The following MYL1 variants were observed in gnomAD, a reference collection of about 807,000 sequenced individuals.
MYL1 encodes the protein myosin light chain 1/3, skeletal muscle isoform.
A neutral mutation model predicts 21.8 loss-of-function variants in MYL1; 16 were observed. That is an observed-to-expected ratio of 0.74 (90% CI 0.50 to 1.12). The LOEUF (loss-of-function observed/expected upper bound fraction) is 1.12, where lower values mean the gene tolerates loss of function less well. MYL1 is among the 50% of genes most tolerant of loss of function. The pLI, the probability that MYL1 is intolerant of heterozygous loss-of-function variation, is 0.00. For missense variants in MYL1, 246 were observed against 241.0 expected (o/e 1.02, Z -0.14); for synonymous variants, 99 against 85.2 (o/e 1.16, Z -0.89).
chr2:210,291,555 G>A (rs1690075915), intron 5 of MYL1, among the ~76,000 whole-genome samples: 1 of 152,142 alleles, frequency 6.6e-6, no homozygotes, highest in Non-Finnish European at 1.5e-5. Flanking sequence ...GCATATACAA[G>A]ACCACATAAA....
chr2:210,292,671 T>C (rs1311980256), intron 5 of MYL1, among the ~76,000 whole-genome samples: 1 of 152,212 alleles, frequency 6.6e-6, no homozygotes, highest in Non-Finnish European at 1.5e-5. Flanking sequence ...GTCTGGTTTT[T>C]GTGTCACTGT....
intron 1 of MYL1, among the ~76,000 whole-genome samples, chr2:210,311,282 A>G (rs1262022469): frequency 6.6e-6 from 1 of 152,046 alleles, no homozygotes; most frequent in East Asian, 1.9e-4. Flanking sequence ...GCCAAAACAA[A>G]TTGGGTGCCA....
At chr2:210,306,336 G>A (rs79224497) in intron 1 of MYL1, among the ~76,000 whole-genome samples, 2,939 of 149,626 alleles carry the variant, frequency 0.02, 100 homozygotes, top group African/African-American at 0.069. Context: ...AGCTGAGATC[G>A]CGCCATTGTA....
At chr2:210,302,956 G>C (rs544512174) in intron 1 of MYL1, 1 of 634,950 alleles carries the variant, frequency 1.6e-6, no homozygotes, top group Admixed American at 3.2e-5. Context: ...AACATAAAAA[G>C]CTATTGCAAA....
chr2:210,294,764 T>A (rs928810921), intron 3 of MYL1, among the ~76,000 whole-genome samples: 7 of 152,198 alleles, frequency 4.6e-5, no homozygotes, highest in African/African-American at 1.7e-4. Flanking sequence ...ATATCTAGTA[T>A]AAACTGAGTG....
chr2:210,297,142 CA>C (rs1690186626), intron 3 of MYL1, among the ~76,000 whole-genome samples: 1 of 151,434 alleles, frequency 6.6e-6, no homozygotes, highest in Admixed American at 6.6e-5. Context: ...CATGAGAATA[CA>C]GACTTTTTTT....
intron 1 of MYL1, among the ~76,000 whole-genome samples, chr2:210,314,468 C>A (rs773435528): frequency 2.6e-5 from 4 of 152,094 alleles, no homozygotes; most frequent in East Asian, 1.9e-4. Context: ...ACATAAAGGA[C>A]AACCGGGCCA....
chr2:210,294,451 C>T lies in MYL1; in HGVS notation c.305-33G>A, dbSNP rs6748225. On this transcript the variant is annotated intron_variant, in intron 3 of 6. Coordinates refer to ENST00000352451, the MANE Select transcript of MYL1 (RefSeq NM_079420.3). ...AAATTGCAATTTTGAGGGTTATTAGCTACCATAATACTAACTCTGAGTCAC... is the reference window on the plus strand; with the variant it reads ...AAATTGCAATTTTGAGGGTTATTAGTTACCATAATACTAACTCTGAGTCAC... 6 of 1,594,704 alleles carry T rather than the reference C, an allele frequency of 3.8e-6. No individual in the cohort carries two copies. In the African/African-American group the frequency reaches 5.4e-5, roughly 14 times the overall value.
chr2:210,294,718 G>A (rs779577118), intron 3 of MYL1, among the ~76,000 whole-genome samples: 34 of 151,980 alleles, frequency 2.2e-4, no homozygotes, highest in Admixed American at 2.0e-3. Context: ...GTTATTGTGA[G>A]AACTAAATGA....
At chr2:210,292,363 A>G (rs1690090898) in intron 5 of MYL1, among the ~76,000 whole-genome samples, 1 of 151,724 alleles carries the variant, frequency 6.6e-6, no homozygotes, top group Admixed American at 6.6e-5. Flanking sequence ...GTGAGCCACC[A>G]CGCCCAGCTG....
At chr2:210,293,965 A>T (rs1270389772) in intron 4 of MYL1, among the ~76,000 whole-genome samples, 165 bp from the exon 5 acceptor site, 1 of 152,214 alleles carries the variant, frequency 6.6e-6, no homozygotes, top group East Asian at 1.9e-4. Context: ...TTGGTTTTTG[A>T]ATGAGTTAAT....
Position 210,293,810 on chromosome 2 carries a change from C to CA in MYL1, c.479-11dup. ...TCTTTCATCTTTTCACCTGATGAAACAAAACTCTCCTTTCAGAAAGAAGGC... is the reference window on the plus strand; with the variant it reads ...TCTTTCATCTTTTCACCTGATGAAACAAAAACTCTCCTTTCAGAAAGAAGGC... On this transcript the variant is annotated splice_polypyrimidine_tract_variant and intron_variant, in intron 4 of 6. Coordinates refer to ENST00000352451, the MANE Select transcript of MYL1 (RefSeq NM_079420.3). 6.2e-7 allele frequency: 1 copy of CA among 1,612,792 alleles called. No individual in the cohort carries two copies. Among genetic ancestry groups the CA allele is most frequent in the Non-Finnish European group, 8.5e-7 (1 of 1,178,904 alleles).
intron 1 of MYL1, among the ~76,000 whole-genome samples, chr2:210,312,562 C>A (rs1338563702): frequency 6.6e-6 from 1 of 151,846 alleles, no homozygotes; most frequent in Non-Finnish European, 1.5e-5. Context: ...GTATCACTTT[C>A]TTTGGCCATG....
At chr2:210,308,419 T>TATATATATAC (rs1690371331) in intron 1 of MYL1, among the ~76,000 whole-genome samples, 1 of 134,008 alleles carries the variant, frequency 7.5e-6, no homozygotes, top group African/African-American at 2.7e-5. Flanking sequence ...TATATATATA[T>TATATATATAC]ATATATATAT....
chr2:210,302,343 A>G (rs1690276304), intron 2 of MYL1, 145 bp downstream of exon 2: 2 of 626,816 alleles, frequency 3.2e-6, no homozygotes, highest in South Asian at 3.1e-5. Flanking sequence ...ATTTATATTT[A>G]GAGTGATCGA....
chr2:210,294,178 G>T, intron 4 of MYL1, 67 bp downstream of exon 4: 2 of 1,410,252 alleles, frequency 1.4e-6, no homozygotes, highest in African/African-American at 1.5e-5. Flanking sequence ...GTAGTGACAT[G>T]ATTCTCCTGT....
chr2:210,307,856 T>G (rs1251810281), intron 1 of MYL1, among the ~76,000 whole-genome samples: 1 of 152,200 alleles, frequency 6.6e-6, no homozygotes, highest in African/African-American at 2.4e-5. Context: ...AATTGCGGCT[T>G]TGCCATTACT....
intron 1 of MYL1, among the ~76,000 whole-genome samples, chr2:210,304,672 A>G (rs1200564116): frequency 6.6e-6 from 1 of 152,194 alleles, no homozygotes; most frequent in Non-Finnish European, 1.5e-5. Context: ...ACTCCTGAGT[A>G]GGTAGGACTG....
chr2:210,295,110 C>G (rs1427066277), intron 3 of MYL1, among the ~76,000 whole-genome samples: 1 of 152,082 alleles, frequency 6.6e-6, no homozygotes, highest in Non-Finnish European at 1.5e-5. Context: ...CATGGAAAAT[C>G]TGGACAGTCT....
Sources: allele counts gnomAD v4.1 joint callset (sites outside exome capture counted in the v4.1 genomes callset), GRCh38; gene constraint gnomAD v4.1.1; transcripts MANE v1.5; gene names NCBI Gene and HGNC (gene_info 2026-07-23, HGNC 2026-07-21).